The following TNS1 variants were observed in gnomAD, a reference collection of about 807,000 sequenced individuals.
TNS1 encodes tensin-1.
Under a neutral mutation model 168.6 loss-of-function variants are expected in TNS1, and 62 were observed. That is an observed-to-expected ratio of 0.37 (90% CI 0.30 to 0.45). The LOEUF (loss-of-function observed/expected upper bound fraction) is 0.45. Ranked by LOEUF, TNS1 falls within the 20% of genes least tolerant of loss-of-function variation. The probability of loss-of-function intolerance (pLI) is 1.00; values close to 1 mark genes in which losing one functional copy is unlikely to be tolerated. For synonymous variants in TNS1, 934 were observed against 933.2 expected, an observed-to-expected ratio of 1.00 and a Z score of -0.02; for missense variants, 2,240 against 2,339.4, an observed-to-expected ratio of 0.96 and a Z score of 0.88.
chr2:217,936,715 C>T (rs1349731597), intron 3 of TNS1, among the ~76,000 whole-genome samples: 1 of 152,172 alleles, frequency 6.6e-6, no homozygotes, highest in Non-Finnish European at 1.5e-5. Context: ...AATATCCCCC[C>T]ATCTTGAGCC....
intron 3 of TNS1, among the ~76,000 whole-genome samples, chr2:217,955,900 G>T (rs1487338232): frequency 6.6e-6 from 1 of 152,150 alleles, no homozygotes; most frequent in Non-Finnish European, 1.5e-5. Context: ...CAGAGACAGG[G>T]GACTCTCAGC....
chr2:217,852,144 C>CA (rs1322759448), intron 18 of TNS1, among the ~76,000 whole-genome samples: 26 of 151,186 alleles, frequency 1.7e-4, no homozygotes, highest in Non-Finnish European at 2.2e-4. Flanking sequence ...GACTCCATCT[C>CA]AAAAAAAAAG....
chr2:217,995,542 G>T lies in TNS1; in HGVS notation c.34-4486C>A, dbSNP rs556060590. Among the ~76,000 whole-genome samples the T allele has an allele frequency of 1.3e-5, 2 of 152,166 alleles. No homozygotes were observed. Among genetic ancestry groups the T allele is most frequent in the Non-Finnish European group, 2.9e-5 (2 of 68,034 alleles). On this transcript the variant is annotated intron_variant, in intron 1 of 32. Transcript: ENST00000682258. The surrounding 1 kb of genome is among the most constrained non-coding windows in gnomAD (Gnocchi z 4.1). Reference sequence around the variant, plus strand: ...GCCCTCCCCCCGGGTTGTTCTGCAGGTACAGGCAGAGGATGTAAACAAGCC... The same window carrying T: ...GCCCTCCCCCCGGGTTGTTCTGCAGTTACAGGCAGAGGATGTAAACAAGCC...
chr2:218,022,198 G>A lies in TNS1; in HGVS notation c.156+11622C>T, dbSNP rs141734738. ...AGGGAGAGGAGAGAAAGAGACAGAG[G>A]AGTAGGCAGGGAGGCAGAGTGACAG... On this transcript the variant is annotated intron_variant, in intron 1 of 1. Coordinates refer to the TNS1 transcript ENST00000649572. Among the ~76,000 whole-genome samples the A allele has an allele frequency of 7.8e-3, 1,177 of 151,772 alleles. 16 individuals carry two copies. Among genetic ancestry groups the A allele is most frequent in the African/African-American group, 0.026 (1,098 of 41,506 alleles).
intron 3 of TNS1, among the ~76,000 whole-genome samples, chr2:217,921,647 C>G (rs1481601002): frequency 6.6e-6 from 1 of 152,174 alleles, no homozygotes; most frequent in East Asian, 1.9e-4. Context: ...CCAACTCATT[C>G]TCCAGCAAAG....
At chr2:217,808,226 C>G (rs181430231) in intron 31 of TNS1, 119 bp from the exon 32 acceptor site, 2 of 1,198,096 alleles carry the variant, frequency 1.7e-6, no homozygotes, top group Non-Finnish European at 2.4e-6. Context: ...CCCATTCCCC[C>G]CTCATTCCCC....
intron 18 of TNS1, among the ~76,000 whole-genome samples, chr2:217,852,834 T>C (rs1334018122): frequency 6.6e-6 from 1 of 152,242 alleles, no homozygotes; most frequent in Admixed American, 6.5e-5. Flanking sequence ...AATTAACTCC[T>C]GTTCGCTAAC....
At chr2:217,894,366 C>A (rs967580432) in intron 9 of TNS1, among the ~76,000 whole-genome samples, 5 of 152,134 alleles carry the variant, frequency 3.3e-5, no homozygotes, top group Non-Finnish European at 7.4e-5. Flanking sequence ...GAATAAAAAG[C>A]AGCAACAGGT....
At chr2:217,830,331 T>A in intron 22 of TNS1, 1 of 1,613,820 alleles carries the variant, frequency 6.2e-7, no homozygotes, top group Non-Finnish European at 8.5e-7. Context: ...GCTGCGTGGC[T>A]TCATGGGTCA....
chr2:217,862,115 T>C (rs1274445458), intron 18 of TNS1, among the ~76,000 whole-genome samples: 1 of 152,192 alleles, frequency 6.6e-6, no homozygotes, highest in African/African-American at 2.4e-5. Context: ...CCTGCAGAGA[T>C]GAATTCAGCC....
intron 12 of TNS1, among the ~76,000 whole-genome samples, chr2:217,889,418 G>A (rs1225508211): frequency 6.6e-6 from 1 of 152,214 alleles, no homozygotes; most frequent in Non-Finnish European, 1.5e-5. Context: ...ACAGCTCCAG[G>A]CCCTTGTTGG....
chr2:217,811,276 AAC>A lies in TNS1; in HGVS notation c.5033-959_5033-958del, dbSNP rs769763303. Among the ~76,000 whole-genome samples the A allele has an allele frequency of 9.2e-4, 139 of 150,422 alleles. 1 individual carries two copies. The highest frequency in any genetic ancestry group is 1.8e-3 in the Admixed American group (27 of 14,598). ...ACAGGTTTATACAATCTAAATATTA[AAC>A]AGTTTTTTAATTGCTGAACTACAAT... On this transcript the variant is annotated intron_variant, in intron 28 of 32. Transcript: ENST00000682258.
intron 6 of TNS1, among the ~76,000 whole-genome samples, chr2:217,903,030 T>C (rs1193566602): frequency 6.6e-6 from 1 of 152,112 alleles, no homozygotes. Flanking sequence ...GAAACACAGG[T>C]GACCTCACAC....
chr2:217,893,815 G>C (rs1559315410), intron 9 of TNS1, among the ~76,000 whole-genome samples: 1 of 152,204 alleles, frequency 6.6e-6, no homozygotes, highest in Non-Finnish European at 1.5e-5. Flanking sequence ...TGGGGCCTTA[G>C]GCCTCAGGTC....
Position 217,809,532 on chromosome 2 carries a change from GATGGATGC to G in TNS1, c.5273+283_5273+290del, listed in dbSNP as rs1274657966. ...GGATGGATGGATGGATAGGTGCATG[GATGGATGC>G]ATGGATGGATGGATGGATGGATGGA... On this transcript the variant is annotated intron_variant, in intron 30 of 32. Transcript: ENST00000682258. Among the ~76,000 whole-genome samples the G allele has an allele frequency of 1.9e-5, 2 of 103,172 alleles. 1 individual carries two copies. The highest frequency in any genetic ancestry group is 9.2e-5 in the African/African-American group (2 of 21,830). The allele number at this position is 103,172 out of a possible 152,430, so 67.7% of individuals were successfully genotyped here. A position where few individuals can be genotyped will look rare whatever the true frequency, so the allele number is the denominator to read the frequency against.
intron 18 of TNS1, among the ~76,000 whole-genome samples, chr2:217,851,896 C>T (rs1947550362): frequency 6.6e-6 from 1 of 152,172 alleles, no homozygotes; most frequent in African/African-American, 2.4e-5. Context: ...GTAATCCCAG[C>T]ACTCTGGGAG....
At chr2:217,809,361 A>G (rs200994524) in intron 30 of TNS1, among the ~76,000 whole-genome samples, 59 of 99,148 alleles carry the variant, frequency 6.0e-4, no homozygotes, top group South Asian at 1.1e-3. Flanking sequence ...GGATGGATGG[A>G]TGGATGGATG....
At chr2:218,027,934 C>T (rs1958863583) in intron 1 of TNS1, among the ~76,000 whole-genome samples, 1 of 152,174 alleles carries the variant, frequency 6.6e-6, no homozygotes, top group South Asian at 2.1e-4. Context: ...CCAGGCCACA[C>T]TGGACCCCTC....
At chr2:217,822,047 C>T in intron 22 of TNS1, 109 bp from the exon 23 acceptor site, 1 of 1,199,232 alleles carries the variant, frequency 8.3e-7, no homozygotes, top group Non-Finnish European at 1.2e-6. Flanking sequence ...TGCCTGGGAA[C>T]ATAGGAATAG....
Sources: allele counts gnomAD v4.1 joint callset (sites outside exome capture counted in the v4.1 genomes callset), GRCh38; gene constraint gnomAD v4.1.1; non-coding constraint Gnocchi (gnomAD v3.1); transcripts MANE v1.5; gene names NCBI Gene and HGNC (gene_info 2026-07-23, HGNC 2026-07-21).